SMURF2: variants seen among roughly 807,000 people sequenced by gnomAD.
SMURF2 encodes the protein SMAD specific E3 ubiquitin protein ligase 2.
In SMURF2, 48 loss-of-function variants were observed where a neutral mutation model predicts 109.6. The observed-to-expected ratio is 0.44, with a 90% confidence interval of 0.35 to 0.56. SMURF2 has a LOEUF of 0.56. SMURF2 is among the 20% of genes least tolerant of loss of function. The pLI is 0.01. For missense variants in SMURF2, 575 were observed against 909.0 expected (o/e 0.63, Z 4.72); for synonymous variants, 288 against 317.1 (o/e 0.91, Z 0.97).
chr17:64,561,696 T>C (rs1969222396), intron 11 of SMURF2, 93 bp from the exon 12 acceptor site: 3 of 963,364 alleles, frequency 3.1e-6, no homozygotes, highest in Non-Finnish European at 4.6e-6. Flanking sequence ...AAAACTCAAG[T>C]CTAAATAAGG....
Position 64,580,774 on chromosome 17 carries a change from T to C in SMURF2, c.772+15A>G. Reference sequence around the variant, plus strand: ...CAGTAAACCACATTTTATTTTTCCTTTGTAGTTGTCATACCATAGCCTTCT... The same window carrying C: ...CAGTAAACCACATTTTATTTTTCCTCTGTAGTTGTCATACCATAGCCTTCT... On this transcript the variant is annotated intron_variant, in intron 8 of 18. Transcript: ENST00000262435. 6.2e-7 allele frequency: 1 copy of C among 1,609,952 alleles called. No individual in the cohort carries two copies. The highest frequency in any genetic ancestry group is 8.5e-7 in the Non-Finnish European group (1 of 1,176,528).
At chr17:64,605,840 T>C (rs1969963596) in intron 2 of SMURF2, among the ~76,000 whole-genome samples, 1 of 145,920 alleles carries the variant, frequency 6.9e-6, no homozygotes, top group South Asian at 2.2e-4. Context: ...ACAGCACACA[T>C]AGCCCGTGAC....
rs2144623049 is a variant in SMURF2, at chr17:64,572,824, T to C, written c.858-868A>G. The C allele has an allele frequency of 1.3e-5, 2 of 152,168 alleles. 1 individual carries two copies. Among genetic ancestry groups the C allele is most frequent in the African/African-American group, 4.8e-5 (2 of 41,518 alleles). The allele number at this position is 152,168 out of a possible 1,614,324, so 9.4% of individuals were successfully genotyped here. On this transcript the variant is annotated intron_variant, in intron 9 of 18. Coordinates refer to ENST00000262435, the MANE Select transcript of SMURF2 (RefSeq NM_022739.4). The stretch of plus-strand genomic sequence containing the variant: ...TGTAGCCTCTGTAATAAACTGGCAA[T>C]AGAACTGCAAATTCTTATCCTCTAC...
chr17:64,571,207 A>T (rs895219653), intron 10 of SMURF2, among the ~76,000 whole-genome samples: 1 of 152,074 alleles, frequency 6.6e-6, no homozygotes, highest in South Asian at 2.1e-4. Flanking sequence ...AGCCTGTTCA[A>T]CCCCTACTTC....
intron 1 of SMURF2, among the ~76,000 whole-genome samples, chr17:64,621,791 T>C (rs1970206182): frequency 6.6e-6 from 1 of 151,248 alleles, no homozygotes; most frequent in African/African-American, 2.4e-5. Context: ...GGAGAATTGC[T>C]TGAACCGGGA....
intron 1 of SMURF2, among the ~76,000 whole-genome samples, chr17:64,638,254 TGGGGTTTCACCATGGTGGCC>T (rs1970449632): frequency 6.6e-6 from 1 of 151,952 alleles, no homozygotes; most frequent in Non-Finnish European, 1.5e-5. Context: ...CTAATAGAGA[TGGGGTTTCACCATGGTGGCC>T]AGGCTGGTCT....
chr17:64,616,924 A>G (rs1443587128), intron 1 of SMURF2, among the ~76,000 whole-genome samples: 1 of 150,092 alleles, frequency 6.7e-6, no homozygotes, highest in African/African-American at 2.4e-5. Context: ...ACAAAAAAAG[A>G]AAAAAAAATA....
chr17:64,575,793 C>T (rs1039082241), intron 9 of SMURF2, among the ~76,000 whole-genome samples: 1 of 151,900 alleles, frequency 6.6e-6, no homozygotes, highest in Non-Finnish European at 1.5e-5. Context: ...ATATCCACAT[C>T]CTACAAATCC....
chr17:64,657,696 G>A (rs929958100), intron 1 of SMURF2, among the ~76,000 whole-genome samples: 2 of 150,622 alleles, frequency 1.3e-5, no homozygotes, highest in African/African-American at 2.4e-5. Context: ...TCCAGTGTGG[G>A]CAACAGAATG....
chr17:64,602,547 C>G (rs1969912217), intron 2 of SMURF2, among the ~76,000 whole-genome samples: 1 of 152,138 alleles, frequency 6.6e-6, no homozygotes, highest in Admixed American at 6.5e-5. Context: ...CCAAGTTACT[C>G]CCATGTGGTC....
chr17:64,645,571 T>C (rs963417436), intron 1 of SMURF2, among the ~76,000 whole-genome samples: 18 of 152,124 alleles, frequency 1.2e-4, no homozygotes, highest in African/African-American at 4.1e-4. Context: ...CCTAAAAAAA[T>C]AATTAAGAAA....
At chr17:64,616,671 GAACTAGAGCTGAGATTCC>G (rs1209094626) in intron 1 of SMURF2, among the ~76,000 whole-genome samples, 1 of 143,130 alleles carries the variant, frequency 7.0e-6, no homozygotes, top group Admixed American at 7.1e-5. Context: ...AAAAAAAAAA[GAACTAGAGCTGAGATTCC>G]AACTCAAGTA....
chr17:64,609,795 G>A (rs890647826), intron 1 of SMURF2, among the ~76,000 whole-genome samples: 9 of 152,022 alleles, frequency 5.9e-5, no homozygotes, highest in African/African-American at 2.2e-4. Flanking sequence ...AAGAGCTTCT[G>A]CACACAAAAG....
chr17:64,549,142 G>A (rs559234493), intron 16 of SMURF2, among the ~76,000 whole-genome samples: 23 of 151,670 alleles, frequency 1.5e-4, no homozygotes, highest in African/African-American at 4.6e-4. Flanking sequence ...AAAGGTAGCC[G>A]GGCGTGGTGG....
At chr17:64,579,093 G>A (rs1969540957) in intron 8 of SMURF2, among the ~76,000 whole-genome samples, 1 of 152,144 alleles carries the variant, frequency 6.6e-6, no homozygotes, top group Non-Finnish European at 1.5e-5. Flanking sequence ...ATACTGGGGA[G>A]ACATTCTATG....
In SMURF2 at chr17:64,547,564, C is replaced by A; in HGVS notation, c.2071+36G>T. On this transcript the variant is annotated intron_variant, in intron 17 of 18. Transcript: ENST00000262435. The surrounding 1 kb of genome is among the most constrained non-coding windows in gnomAD (Gnocchi z 4.2). ...CCCCACGCTGACAGCCCCGCCCCCA[C>A]CCGCTGCCCAGCTTGCCTGCACCTC... The A allele has an allele frequency of 6.3e-7, 1 of 1,599,094 alleles. No individual in the cohort carries two copies. Among genetic ancestry groups the A allele is most frequent in the South Asian group, 1.1e-5 (1 of 90,782 alleles).
At chr17:64,597,309 A>G (rs1555688176) in intron 3 of SMURF2, among the ~76,000 whole-genome samples, 1 of 152,038 alleles carries the variant, frequency 6.6e-6, no homozygotes, top group East Asian at 1.9e-4. Context: ...GCTACTGAGG[A>G]GGGTGAGGTG....
chr17:64,636,786 GA>G (rs375959882), intron 1 of SMURF2, among the ~76,000 whole-genome samples: 12,997 of 118,488 alleles, frequency 0.11, 823 homozygotes, highest in African/African-American at 0.2. Context: ...CTCAAAAAAA[GA>G]AAAAAAAAAA....
At chr17:64,561,740 T>C in intron 11 of SMURF2, 137 bp from the exon 12 acceptor site, 1 of 607,430 alleles carries the variant, frequency 1.6e-6, no homozygotes, top group Non-Finnish European at 2.9e-6. Flanking sequence ...CTCACACCTG[T>C]AATCCCAACA....
Sources: gnomAD v4.1 joint callset for allele counts (sites outside exome capture counted in the v4.1 genomes callset) on GRCh38, gnomAD v4.1.1 for gene constraint, Gnocchi (gnomAD v3.1) non-coding constraint, MANE v1.5 for transcripts, NCBI Gene and HGNC (gene_info 2026-07-23, HGNC 2026-07-21) for gene names.